Variants in CAMSAP2 observed in about 807,000 individuals in gnomAD.
CAMSAP2 encodes calmodulin-regulated spectrin-associated protein 2.
A neutral mutation model predicts 146.1 loss-of-function variants in CAMSAP2; 26 were observed. The ratio of observed to expected loss-of-function variants is 0.18; its 90% CI spans 0.13 to 0.25. The LOEUF is 0.25. CAMSAP2 is among the 10% of genes least tolerant of loss of function. CAMSAP2 has a pLI of 1.00. For synonymous variants in CAMSAP2, 499 were observed against 596.6 expected (o/e 0.84, Z 2.38); for missense variants, 1,381 against 1,759.3 (o/e 0.78, Z 3.85).
rs757320188 is a variant in CAMSAP2, at chr1:200,856,129, A to AGT, written c.4012+7_4012+8dup. On this transcript the variant is annotated splice_donor_region_variant and intron_variant, in intron 15 of 16. Coordinates refer to ENST00000358823, the MANE Select transcript of CAMSAP2 (RefSeq NM_203459.4). ...GCTTCTGGAACAGAATATACAGGTT[A>AGT]GTGTCTATACATTTTTAGAGAAACA... 6.4e-7 allele frequency: 1 copy of AGT among 1,568,710 alleles called. No individual in the cohort carries two copies. Among genetic ancestry groups the AGT allele is most frequent in the Non-Finnish European group, 8.8e-7 (1 of 1,141,152 alleles).
At chr1:200,775,666 A>G (rs1347767330) in intron 2 of CAMSAP2, among the ~76,000 whole-genome samples, 1 of 152,034 alleles carries the variant, frequency 6.6e-6, no homozygotes, top group Non-Finnish European at 1.5e-5. Flanking sequence ...AGTAGCTGGG[A>G]CTACAGGCAC....
chr1:200,745,983 A>T (rs573122379), intron 1 of CAMSAP2, among the ~76,000 whole-genome samples: 1 of 152,348 alleles, frequency 6.6e-6, no homozygotes, highest in African/African-American at 2.4e-5. Flanking sequence ...ACAGGTACAG[A>T]TTCAAAACTC....
At chr1:200,821,607 C>T (rs1000574453) in intron 4 of CAMSAP2, among the ~76,000 whole-genome samples, 5 of 152,208 alleles carry the variant, frequency 3.3e-5, no homozygotes, top group South Asian at 2.1e-4. Context: ...GCGATCCACC[C>T]GCCTCGGCCT....
intron 4 of CAMSAP2, among the ~76,000 whole-genome samples, chr1:200,822,849 C>T (rs897246246): frequency 6.6e-6 from 1 of 152,184 alleles, no homozygotes; most frequent in African/African-American, 2.4e-5. Flanking sequence ...GGTTTCATCA[C>T]ACTCCTCAGA....
intron 13 of CAMSAP2, 79 bp from the exon 14 acceptor site, chr1:200,854,738 C>A: frequency 1.0e-6 from 1 of 1,001,754 alleles, no homozygotes; most frequent in Non-Finnish European, 1.5e-6. Flanking sequence ...ATCTAATGAA[C>A]AGACTCTTTG....
At chr1:200,826,104 C>T (rs12567434) in intron 4 of CAMSAP2, among the ~76,000 whole-genome samples, 25,818 of 152,014 alleles carry the variant, frequency 0.17, 2,928 homozygotes, top group East Asian at 0.33. Flanking sequence ...ATCAGCGATT[C>T]GGCATAACTT....
At position 200,849,353 on chromosome 1, in the gene CAMSAP2, T is replaced by A. The variant is rs1667553591; in HGVS notation, c.2584T>A (p.Trp862Arg). 1.2e-6 allele frequency: 2 copies of A among 1,614,074 alleles called. No homozygotes were observed. Among genetic ancestry groups the A allele is most frequent in the Middle Eastern group, 1.6e-4 (1 of 6,062 alleles). ...TACACCTATTGATCCTGAGAAGCAG[T>A]GGAACCTGGCAAGCCCCTCAGAAGA... Reference protein sequence around the residue: ...PTTPIDPEKQWNLASPSEETL... With the variant: ...PTTPIDPEKQRNLASPSEETL... The change falls in exon 11 of 17, where the codon TGG (tryptophan) becomes AGG (arginine). Residue 862 changes from tryptophan to arginine, a missense_variant. Trp to Arg is a moderately radical substitution (Grantham distance 101). This residue lies in a region of CAMSAP2 where 560 missense variants were observed against 715.9 expected (regional missense o/e 0.78). Coordinates refer to ENST00000358823, the MANE Select transcript of CAMSAP2 (RefSeq NM_203459.4). The surrounding 1 kb of genome is among the most constrained non-coding windows in gnomAD (Gnocchi z 6.3).
intron 2 of CAMSAP2, among the ~76,000 whole-genome samples, chr1:200,775,987 C>T (rs555295672): frequency 5.7e-5 from 8 of 139,394 alleles, no homozygotes; most frequent in South Asian, 4.6e-4. Context: ...TCTTTAAAAA[C>T]AAAAAAAAAA....
At chr1:200,746,462 T>TG (rs1025710329) in intron 1 of CAMSAP2, among the ~76,000 whole-genome samples, 20 of 152,134 alleles carry the variant, frequency 1.3e-4, no homozygotes, top group African/African-American at 3.4e-4. Flanking sequence ...AAGAGCGGGT[T>TG]GGGGGGAAAG....
intron 2 of CAMSAP2, 75 bp downstream of exon 2, chr1:200,761,173 CAG>C (rs2103002078): frequency 7.5e-7 from 1 of 1,338,464 alleles, no homozygotes. Context: ...TACTGTAAAA[CAG>C]AGGGAAATGT....
rs772362601 is a variant in CAMSAP2 at position 200,807,529 on chromosome 1, A to G, written c.553A>G (p.Ile185Val). 8 of 1,597,784 alleles carry G rather than the reference A, an allele frequency of 5.0e-6. No individual in the cohort carries two copies. The South Asian group carries it at 9.1e-5, about 18-fold the overall frequency. Residue 185 changes from isoleucine (I) to valine (V), a missense_variant, in exon 3 of 17, where the codon ATA becomes GTA. Transcript: ENST00000358823. The part of the protein sequence containing the change: ...YDIEDAVMYW[I>V]NKVNEHLKDI... ...TATTGAGGACGCTGTCATGTACTGG[A>G]TAAATAAGGTAGGATTATACTCACT...
intron 4 of CAMSAP2, among the ~76,000 whole-genome samples, chr1:200,826,636 G>T (rs190645414): frequency 6.6e-6 from 1 of 152,156 alleles, no homozygotes; most frequent in Admixed American, 6.5e-5. Flanking sequence ...GATACCCAGA[G>T]GAAGAGTATT....
intron 1 of CAMSAP2, among the ~76,000 whole-genome samples, chr1:200,743,293 C>G (rs1664229125): frequency 6.7e-6 from 1 of 148,914 alleles, no homozygotes; most frequent in Non-Finnish European, 1.5e-5. Flanking sequence ...TCACTTCAAT[C>G]TTCTCAACTA....
chr1:200,768,361 T>G (rs910025293), intron 2 of CAMSAP2, among the ~76,000 whole-genome samples: 2 of 152,164 alleles, frequency 1.3e-5, no homozygotes, highest in African/African-American at 4.8e-5. Flanking sequence ...GTTGTGGCGT[T>G]AGCACTAGCT....
At chr1:200,746,792 G>T (rs1419321061) in intron 1 of CAMSAP2, among the ~76,000 whole-genome samples, 1 of 151,872 alleles carries the variant, frequency 6.6e-6, no homozygotes, top group Admixed American at 6.6e-5. Context: ...CTAATTTTTT[G>T]TATTTTTAGT....
At chr1:200,837,859 A>T (rs1238654557) in intron 6 of CAMSAP2, among the ~76,000 whole-genome samples, 1 of 152,012 alleles carries the variant, frequency 6.6e-6, no homozygotes, top group African/African-American at 2.4e-5. Flanking sequence ...TGCATTCCTG[A>T]TTTGGCTCTT....
chr1:200,847,967 G>A (rs1667504966), intron 10 of CAMSAP2, 65 bp from the exon 11 acceptor site: 1 of 1,122,512 alleles, frequency 8.9e-7, no homozygotes, highest in Non-Finnish European at 1.3e-6. Flanking sequence ...AATAATTCTT[G>A]TTAAATGATA....
chr1:200,848,742 G>A lies in CAMSAP2; in HGVS notation c.1973G>A (p.Arg658Lys). The change falls in exon 11 of 17, where the codon AGG becomes AAG. Residue 658 changes from arginine (R) to lysine (K), a missense_variant. Physicochemically the swap from Arg to Lys is conservative, Grantham distance 26. Around this residue, in one of 4 missense-constraint regions of CAMSAP2, gnomAD observed 447 missense variants for 462.2 expected, o/e 0.97. Coordinates refer to ENST00000358823, the MANE Select transcript of CAMSAP2 (RefSeq NM_203459.4). Reference protein sequence around the residue: ...QDYDIRTGNTREALSPCPSTV... With the variant: ...QDYDIRTGNTKEALSPCPSTV... ...TATGATATTCGAACTGGCAACACCA[G>A]GGAAGCTTTGAGTCCTTGTCCAAGT... 1 of 1,614,182 alleles carries A rather than the reference G, an allele frequency of 6.2e-7. No homozygotes were observed. The highest frequency in any genetic ancestry group is 8.5e-7 in the Non-Finnish European group (1 of 1,180,012).
intron 2 of CAMSAP2, among the ~76,000 whole-genome samples, chr1:200,793,410 C>A (rs1224426904): frequency 6.6e-6 from 1 of 151,804 alleles, no homozygotes; most frequent in African/African-American, 2.4e-5. Flanking sequence ...ATTTAAATAA[C>A]ATGTATAACT....
Sources: gnomAD v4.1 joint callset for allele counts (sites outside exome capture counted in the v4.1 genomes callset) on GRCh38, gnomAD v4.1.1 for gene constraint, gnomAD v4.1.1 regional missense constraint, Gnocchi (gnomAD v3.1) non-coding constraint, MANE v1.5 for transcripts, NCBI Gene and HGNC (gene_info 2026-07-23, HGNC 2026-07-21) for gene names.